Variants in TECTA observed in about 807,000 individuals in gnomAD.
TECTA encodes tectorin alpha, also known as alpha-tectorin.
A neutral mutation model predicts 216.8 loss-of-function variants in TECTA; 128 were observed. The ratio of observed to expected loss-of-function variants is 0.59; its 90% confidence interval spans 0.51 to 0.68. The LOEUF (loss-of-function observed/expected upper bound fraction) is 0.68, where lower values mean the gene tolerates loss of function less well. Among genes scored for constraint, TECTA ranks in the 30% least tolerant of loss-of-function variants. The pLI is 0.00. For synonymous variants in TECTA, 1,089 were observed against 1,117.1 expected, an observed-to-expected ratio of 0.97 and a Z score of 0.50; for missense variants, 2,551 against 2,786.2, an observed-to-expected ratio of 0.92 and a Z score of 1.90.
Position 121,137,522 on chromosome 11 carries a change from G to A in TECTA, c.3043G>A (p.Glu1015Lys), listed in dbSNP as rs536343896. 20 of 1,613,942 alleles carry A rather than the reference G, an allele frequency of 1.2e-5. No individual in the cohort carries two copies. The East Asian group carries it at 2.7e-4, about 22-fold the overall frequency. Reference protein sequence around the residue: ...LGPICVDSCSEGCQCDEGYAL... With the variant: ...LGPICVDSCSKGCQCDEGYAL... ...CCCCATCTGCGTGGATAGCTGCTCTGAGGGATGTCAGTGTGATGAGGGCTA... is the reference window on the plus strand; with the variant it reads ...CCCCATCTGCGTGGATAGCTGCTCTAAGGGATGTCAGTGTGATGAGGGCTA... Residue 1015 changes from glutamate (E) to lysine (K), a missense_variant, in exon 11 of 24, where the codon GAG becomes AAG. Physicochemically the swap from Glu to Lys is moderately conservative, Grantham distance 56. Transcript: ENST00000392793.
intron 23 of TECTA, 45 bp from the exon 24 acceptor site, chr11:121,190,661 T>C (rs780707146): frequency 1.4e-6 from 2 of 1,414,716 alleles, no homozygotes; most frequent in African/African-American, 1.4e-5. Flanking sequence ...ATCAAACAGG[T>C]ATTTTTCCCC....
rs1318377314 is a variant in TECTA at position 121,157,985 on chromosome 11, ACCT to A, written c.4454_4456del (p.Ser1485del). The A allele has an allele frequency of 1.2e-6, 2 of 1,613,298 alleles. No homozygotes were observed. The highest frequency in any genetic ancestry group is 2.2e-5 in the South Asian group (2 of 91,070). ...GGTGCGCGGCTGCTTCAGCACCAAGACCTCCTACTGCCTGGCGGCCGGCGGCGG... is the reference window on the plus strand; with the variant it reads ...GGTGCGCGGCTGCTTCAGCACCAAGACCTACTGCCTGGCGGCCGGCGGCGG... On this transcript the variant is annotated inframe_deletion, in exon 14 of 24. Coordinates refer to ENST00000392793, the MANE Select transcript of TECTA (RefSeq NM_005422.4).
chr11:121,112,238 C>A (rs1320991471), intron 4 of TECTA, among the ~76,000 whole-genome samples: 1 of 152,208 alleles, frequency 6.6e-6, no homozygotes, highest in African/African-American at 2.4e-5. Flanking sequence ...TGAATTTAAG[C>A]AACATCTCTA....
In TECTA at chr11:121,121,877, C is replaced by T. The variant is rs573060200; in HGVS notation, c.1203+3159C>T. Reference sequence around the variant, plus strand: ...ACATTGGGGAAGATTTCCCCTTCCACTTACCAGCACAGAACAATGGATAAG... The same window carrying T: ...ACATTGGGGAAGATTTCCCCTTCCATTTACCAGCACAGAACAATGGATAAG... On this transcript the variant is annotated intron_variant, in intron 7 of 23. Transcript: ENST00000392793. Among the ~76,000 whole-genome samples, 28 of 152,314 alleles carry T rather than the reference C, an allele frequency of 1.8e-4. 1 individual carries two copies. The South Asian group carries it at 5.4e-3, about 29-fold the overall frequency.
At position 121,125,703 on chromosome 11, in the gene TECTA, G is replaced by A. The variant is rs772461081; in HGVS notation, c.1605G>A (p.Trp535Ter). 1.2e-6 allele frequency: 2 copies of A among 1,610,356 alleles called. No homozygotes were observed. The highest frequency in any genetic ancestry group is 1.7e-6 in the Non-Finnish European group (2 of 1,176,734). ...GFLNKTDGPL[W>*]ECGTVVDPTA... ...TCAACAAGACAGACGGCCCTCTGTG[G>A]GAGTGTGGCACTGTCGTGGACCCCA... is the stretch of plus-strand genomic sequence containing the variant. Residue 535 changes from tryptophan (W) to a stop codon, truncating the protein, a stop_gained, in exon 8 of 24, where the codon TGG becomes TGA. Transcript: ENST00000392793. LOFTEE classifies it high-confidence loss of function.
chr11:121,134,823 G>GT (rs1946710318), intron 10 of TECTA, among the ~76,000 whole-genome samples: 1 of 152,192 alleles, frequency 6.6e-6, no homozygotes, highest in Non-Finnish European at 1.5e-5. Flanking sequence ...GCACAGTTTG[G>GT]TAGCGTCGTG....
At chr11:121,152,530 G>A (rs1591456218) in intron 12 of TECTA, among the ~76,000 whole-genome samples, 1 of 152,178 alleles carries the variant, frequency 6.6e-6, no homozygotes, top group Middle Eastern at 3.2e-3. Context: ...GAGGAGTGTG[G>A]GTGCCCTGGG....
chr11:121,160,122 C>A lies in TECTA; in HGVS notation c.4690-13C>A, dbSNP rs751722595. The A allele has an allele frequency of 6.2e-7, 1 of 1,614,058 alleles. No individual in the cohort carries two copies. The highest frequency in any genetic ancestry group is 8.5e-7 in the Non-Finnish European group (1 of 1,179,996). On this transcript the variant is annotated splice_polypyrimidine_tract_variant and intron_variant, in intron 14 of 23. Coordinates refer to ENST00000392793, the MANE Select transcript of TECTA (RefSeq NM_005422.4). ...TCTAAGCGTAATTATTTTCTTTTTT[C>A]CTCCTCCAATAGGTGAATGGCACAC...
intron 11 of TECTA, among the ~76,000 whole-genome samples, chr11:121,144,214 G>T (rs1946812441): frequency 6.6e-6 from 1 of 152,218 alleles, no homozygotes; most frequent in Admixed American, 6.5e-5. Flanking sequence ...AGAGCCCAGG[G>T]TGATGTGCTA....
chr11:121,146,385 C>T, intron 12 of TECTA: 1 of 524,814 alleles, frequency 1.9e-6, no homozygotes, highest in Non-Finnish European at 3.4e-6. Context: ...CACAGAGTAT[C>T]ACACATGGCA....
chr11:121,165,208 C>A, intron 16 of TECTA, 65 bp from the exon 17 acceptor site: 1 of 1,491,366 alleles, frequency 6.7e-7, no homozygotes, highest in South Asian at 1.2e-5. Context: ...GGAGTGGAAC[C>A]AAAAGCTACC....
At position 121,184,316 on chromosome 11, in the gene TECTA, C is replaced by A. The variant is rs188546126; in HGVS notation, c.6000-3516C>A. The stretch of plus-strand genomic sequence containing the variant: ...CCTCTTTGTCTCTCTCTCTCATTGA[C>A]CTTGTTAGACACTGGCAATCCTAGA... On this transcript the variant is annotated intron_variant, in intron 20 of 23. Transcript: ENST00000392793. 3.9e-5 allele frequency among the ~76,000 whole-genome samples: 6 copies of A among 152,302 alleles called. No homozygotes were observed. The East Asian group carries it at 1.2e-3, about 29-fold the overall frequency.
intron 4 of TECTA, 57 bp downstream of exon 4, chr11:121,109,555 A>G (rs935450445): frequency 6.3e-7 from 1 of 1,599,270 alleles, no homozygotes; most frequent in Admixed American, 1.7e-5. Context: ...ATTCTTGTCC[A>G]TCTTCGCTAC....
At chr11:121,138,613 G>C (rs1368703943) in intron 11 of TECTA, among the ~76,000 whole-genome samples, 1 of 152,104 alleles carries the variant, frequency 6.6e-6, no homozygotes, top group Non-Finnish European at 1.5e-5. Context: ...ACTCACTTGG[G>C]CTTCAACTCC....
intron 13 of TECTA, among the ~76,000 whole-genome samples, chr11:121,155,867 G>A (rs1405792711): frequency 6.6e-6 from 1 of 152,164 alleles, no homozygotes; most frequent in Non-Finnish European, 1.5e-5. Context: ...ACCCTACCAA[G>A]CAGAGTCGTG....
Position 121,146,018 on chromosome 11 carries a change from G to A in TECTA, c.4007G>A (p.Gly1336Asp), listed in dbSNP as rs762089990. Residue 1336 changes from glycine (G) to aspartate (D), a missense_variant, in exon 12 of 24, where the codon GGC becomes GAC. By Grantham distance (94) the Gly-to-Asp change is moderately conservative. Coordinates refer to ENST00000392793, the MANE Select transcript of TECTA (RefSeq NM_005422.4). ...NCLFDSCIDG[G>D]AVQTACSWLQ... The stretch of plus-strand genomic sequence containing the variant: ...CTGTTTGACTCTTGCATCGATGGGG[G>A]CGCGGTGCAGACCGCCTGCAGCTGG... 40 of 1,613,930 alleles carry A rather than the reference G, an allele frequency of 2.5e-5. No homozygotes were observed. Among genetic ancestry groups the A allele is most frequent in the Non-Finnish European group, 3.3e-5 (39 of 1,180,060 alleles).
Position 121,103,723 on chromosome 11 carries a change from A to T in TECTA, c.64+994A>T, listed in dbSNP as rs181310991. 7.3e-3 allele frequency among the ~76,000 whole-genome samples: 1,112 copies of T among 152,206 alleles called. 13 individuals are homozygous for T. The highest frequency in any genetic ancestry group is 0.025 in the African/African-American group (1,032 of 41,506). On this transcript the variant is annotated intron_variant, in intron 2 of 23. Transcript: ENST00000392793. Reference sequence around the variant, plus strand: ...GCTAACAGTTTTATATATATATATAAAAATAATAATGGCTTCTGCAGTGTT... The same window carrying T: ...GCTAACAGTTTTATATATATATATATAAATAATAATGGCTTCTGCAGTGTT...
At chr11:121,158,614 C>T (rs1946968545) in intron 14 of TECTA, among the ~76,000 whole-genome samples, 1 of 152,172 alleles carries the variant, frequency 6.6e-6, no homozygotes, top group East Asian at 1.9e-4. Context: ...TAAGACCCAC[C>T]CTTCATCTTT....
At chr11:121,136,649 T>C (rs936745758) in intron 10 of TECTA, among the ~76,000 whole-genome samples, 12 of 152,112 alleles carry the variant, frequency 7.9e-5, no homozygotes, top group African/African-American at 2.7e-4. Context: ...TCATACTTAA[T>C]GAAAGAGGAA....
Sources: gnomAD v4.1 joint callset for allele counts (sites outside exome capture counted in the v4.1 genomes callset) on GRCh38, gnomAD v4.1.1 for gene constraint, MANE v1.5 for transcripts, NCBI Gene and HGNC (gene_info 2026-07-23, HGNC 2026-07-21) for gene names.